The following DGAT2 variants were observed in gnomAD, a reference collection of about 807,000 sequenced individuals.
DGAT2 encodes acyl-CoA retinol O-fatty-acyltransferase.
DGAT2 carries 33 observed loss-of-function variants against 48.4 expected under a neutral mutation model. The ratio of observed to expected loss-of-function variants is 0.68; its 90% CI spans 0.52 to 0.91. DGAT2 has a LOEUF of 0.91. Among genes scored for constraint, DGAT2 ranks in the 40% least tolerant of loss-of-function variants. The pLI, the probability that DGAT2 is intolerant of heterozygous loss-of-function variation, is 0.00. For missense variants in DGAT2, 446 were observed against 493.7 expected, an observed-to-expected ratio of 0.90 and a Z score of 0.92; for synonymous variants, 191 against 194.1, an observed-to-expected ratio of 0.98 and a Z score of 0.13.
chr11:75,786,409 C>T (rs149767626), intron 2 of DGAT2, among the ~76,000 whole-genome samples: 29 of 152,306 alleles, frequency 1.9e-4, no homozygotes, highest in Non-Finnish European at 3.8e-4. Context: ...GTCTGCTACA[C>T]CAGCTCTCTT....
chr11:75,771,229 G>A (rs1328544771), intron 1 of DGAT2, among the ~76,000 whole-genome samples: 1 of 152,200 alleles, frequency 6.6e-6, no homozygotes, highest in Non-Finnish European at 1.5e-5. Context: ...GCGGGAGTCT[G>A]TGTTGATATT....
chr11:75,799,741 G>A lies in DGAT2; in HGVS notation c.1013-613G>A, dbSNP rs544693284. ...CGATCCTCCCACCTCAGCCTCCTGA[G>A]TAGCTGGGACTACAGGCGTGCACCA... On this transcript the variant is annotated intron_variant, in intron 7 of 7. Coordinates refer to ENST00000228027, the MANE Select transcript of DGAT2 (RefSeq NM_032564.5). 7.9e-5 allele frequency among the ~76,000 whole-genome samples: 12 copies of A among 151,992 alleles called. No individual in the cohort carries two copies. In the South Asian group the frequency reaches 1.9e-3, roughly 24 times the overall value.
At chr11:75,799,605 C>CTTTTTTTTTTTTTTTTTTTT (rs1404419285) in intron 7 of DGAT2, among the ~76,000 whole-genome samples, 1 of 151,564 alleles carries the variant, frequency 6.6e-6, no homozygotes, top group African/African-American at 2.4e-5. Flanking sequence ...CTTAACCACA[C>CTTTTTTTTTTTTTTTTTTTT]TTTTTATTTT....
chr11:75,785,030 C>T (rs867997796), intron 2 of DGAT2, among the ~76,000 whole-genome samples: 6 of 152,288 alleles, frequency 3.9e-5, no homozygotes, highest in African/African-American at 1.2e-4. Context: ...TGCCCAAGGT[C>T]ACACAGATTT....
Position 75,769,103 on chromosome 11 carries a change from G to C in DGAT2, c.112G>C (p.Gly38Arg). 4 of 1,567,286 alleles carry C rather than the reference G, an allele frequency of 2.6e-6. No homozygotes were observed. The highest frequency in any genetic ancestry group is 3.4e-6 in the Non-Finnish European group (4 of 1,162,386). Residue 38 changes from glycine to arginine, a missense_variant, in exon 1 of 8, where the codon GGG becomes CGG. Gly to Arg is a moderately radical substitution (Grantham distance 125). Transcript: ENST00000228027. ...ACCTGCGCTGTCGCGCGAGGGGTCT[G>C]GGAGATGGGGTGAGTGCCACGGCGC... ...GGPALSREGS[G>R]RWGTGSSILS...
intron 1 of DGAT2, 75 bp from the exon 2 acceptor site, chr11:75,784,543 A>G: frequency 6.3e-7 from 1 of 1,577,202 alleles, no homozygotes; most frequent in South Asian, 1.2e-5. Context: ...TACCTGTGGG[A>G]GGTGAGGTTT....
rs188120120 is a variant in DGAT2 at position 75,768,841 on chromosome 11, C to T, written c.-151C>T. Reference sequence around the variant, plus strand: ...TCTCGCGCCACCACTGGCCGCCGGCCGCAGCTCCAGGTGTCCTAGCCGCCC... The same window carrying T: ...TCTCGCGCCACCACTGGCCGCCGGCTGCAGCTCCAGGTGTCCTAGCCGCCC... On this transcript the variant is annotated 5_prime_UTR_variant, in exon 1 of 8. Transcript: ENST00000228027. 4.4e-5 allele frequency: 45 copies of T among 1,033,854 alleles called. No homozygotes were observed. In the African/African-American group the frequency reaches 5.7e-4, roughly 13 times the overall value. The allele number at this position is 1,033,854 out of a possible 1,614,324, so 64.0% of individuals were successfully genotyped here.
intron 5 of DGAT2, chr11:75,796,811 T>G (rs1216765465): frequency 9.7e-6 from 5 of 515,552 alleles, no homozygotes; most frequent in South Asian, 2.4e-5. Context: ...ACAACCTGAT[T>G]GTTGTCCATG....
chr11:75,769,175 C>A, intron 1 of DGAT2, 63 bp downstream of exon 1: 1 of 1,501,624 alleles, frequency 6.7e-7, no homozygotes. Context: ...GGCCCTGTGG[C>A]AGGCTGGTGG....
At chr11:75,796,622 C>G in intron 5 of DGAT2, 90 bp downstream of exon 5, 1 of 1,374,126 alleles carries the variant, frequency 7.3e-7, no homozygotes, top group East Asian at 2.4e-5. Context: ...AGCCAACACA[C>G]CATTCCTTGG....
At chr11:75,791,113 G>A (rs1944984489) in intron 4 of DGAT2, among the ~76,000 whole-genome samples, 1 of 152,254 alleles carries the variant, frequency 6.6e-6, no homozygotes, top group African/African-American at 2.4e-5. Context: ...TGTCTGGCCA[G>A]CTCACTCCAC....
chr11:75,773,888 T>C (rs1172343646), intron 1 of DGAT2: 1 of 152,160 alleles, frequency 6.6e-6, no homozygotes, highest in Non-Finnish European at 1.5e-5. Context: ...TCAGTCCGGA[T>C]CTGGAAAGAT....
intron 1 of DGAT2, among the ~76,000 whole-genome samples, chr11:75,777,798 C>T (rs1944816959): frequency 6.6e-6 from 1 of 152,206 alleles, no homozygotes; most frequent in African/African-American, 2.4e-5. Flanking sequence ...TCGCCATGTA[C>T]GCTCAGGGCC....
intron 4 of DGAT2, 153 bp from the exon 5 acceptor site, chr11:75,796,175 T>G: frequency 2.2e-5 from 15 of 682,794 alleles, no homozygotes; most frequent in Middle Eastern, 4.0e-4. Context: ...GCCCTGGGGA[T>G]GAGAGTCTGA....
rs1944728370 is a variant in DGAT2 at position 75,769,000 on chromosome 11, C to A, written c.9C>A (p.Thr3=). 1 of 1,561,492 alleles carries A rather than the reference C, an allele frequency of 6.4e-7. No individual in the cohort carries two copies. The highest frequency in any genetic ancestry group is 1.2e-5 in the South Asian group (1 of 86,490). Residue 3 remains threonine, a synonymous_variant, in exon 1 of 8, where the codon ACC becomes ACA. Transcript: ENST00000228027. Reference sequence around the variant, plus strand: ...CTGGGCGGGCTTCAGCCATGAAGACCCTCATAGCCGCCTACTCCGGGGTCC... The same window carrying A: ...CTGGGCGGGCTTCAGCCATGAAGACACTCATAGCCGCCTACTCCGGGGTCC... The part of the protein sequence containing the change: MK[T]LIAAYSGVLR...
intron 2 of DGAT2, among the ~76,000 whole-genome samples, chr11:75,788,225 G>C (rs1270961683): frequency 6.6e-6 from 1 of 152,202 alleles, no homozygotes; most frequent in Non-Finnish European, 1.5e-5. Flanking sequence ...AGTCTGGGGG[G>C]CTAGAGTCTT....
intron 1 of DGAT2, among the ~76,000 whole-genome samples, chr11:75,772,373 C>G (rs762766158): frequency 6.6e-6 from 1 of 152,186 alleles, no homozygotes; most frequent in Non-Finnish European, 1.5e-5. Context: ...ACTGCCATCA[C>G]GACTTCCTCT....
intron 1 of DGAT2, among the ~76,000 whole-genome samples, chr11:75,772,954 C>T (rs146142855): frequency 0.011 from 1,602 of 152,322 alleles, 12 homozygotes; most frequent in Non-Finnish European, 0.016. Context: ...TGTGCTACTG[C>T]ACTCCAGCGT....
chr11:75,787,996 TG>T, intron 2 of DGAT2, among the ~76,000 whole-genome samples: 1 of 152,276 alleles, frequency 6.6e-6, no homozygotes, highest in South Asian at 2.1e-4. Flanking sequence ...TAAGGACAAG[TG>T]GGTAGGGTTA....
Sources: gnomAD v4.1 joint callset for allele counts (sites outside exome capture counted in the v4.1 genomes callset) on GRCh38, gnomAD v4.1.1 for gene constraint, MANE v1.5 for transcripts, NCBI Gene and HGNC (gene_info 2026-07-23, HGNC 2026-07-21) for gene names.